The following NXPE2 variants were observed in gnomAD, a reference collection of about 807,000 sequenced individuals.
The protein encoded by NXPE2 is NXPE family member 2.
A neutral mutation model predicts 34.4 loss-of-function variants in NXPE2; 34 were observed. The ratio of observed to expected loss-of-function variants is 0.99; its 90% confidence interval spans 0.75 to 1.31. NXPE2 has a LOEUF of 1.31. Ranked by LOEUF, NXPE2 falls within the 40% of genes most tolerant of loss-of-function variation. The probability of loss-of-function intolerance (pLI) is 0.00; values close to 1 mark genes in which losing one functional copy is unlikely to be tolerated. For synonymous variants in NXPE2, 235 were observed against 231.3 expected (o/e 1.02, Z -0.15); for missense variants, 649 against 672.5 (o/e 0.97, Z 0.39).
chr11:114,749,750 C>T, the NXPE2 span, among the ~76,000 whole-genome samples: 1 of 152,188 alleles, frequency 6.6e-6, no homozygotes, highest in African/African-American at 2.4e-5. Flanking sequence ...TTGTGTCTAA[C>T]ACTCACACTG....
At chr11:114,618,557 C>G in the NXPE2 span, among the ~76,000 whole-genome samples, 2 of 151,778 alleles carry the variant, frequency 1.3e-5, no homozygotes, top group Non-Finnish European at 2.9e-5. Flanking sequence ...CACTGTTACC[C>G]AGTGGATAAT....
chr11:114,717,813 CTTCCTTCTAGGT>C, the NXPE2 span, among the ~76,000 whole-genome samples: 1 of 152,196 alleles, frequency 6.6e-6, no homozygotes, highest in African/African-American at 2.4e-5. Flanking sequence ...CCCAGTAAAT[CTTCCTTCTAGGT>C]TTGTTGGGGG....
chr11:114,640,224 T>C, the NXPE2 span, among the ~76,000 whole-genome samples: 1 of 141,020 alleles, frequency 7.1e-6, no homozygotes. Flanking sequence ...ATGTAATTTA[T>C]ATATATAAAT....
chr11:114,680,785 T>C, intron 2 of NXPE2, among the ~76,000 whole-genome samples: 1 of 152,268 alleles, frequency 6.6e-6, no homozygotes, highest in Non-Finnish European at 1.5e-5. Context: ...TGCTAACATT[T>C]GAGAATCTCT....
At position 114,697,939 on chromosome 11, in the gene NXPE2, T is replaced by C. The variant is rs2135559378; in HGVS notation, c.133-106T>C. ...ACCAGTTAGTATCGATTTTTGATAT[T>C]TAATTTATCACACTGAAAGATGTAA... On this transcript the variant is annotated intron_variant, in intron 2 of 5. Coordinates refer to ENST00000389586, the MANE Select transcript of NXPE2 (RefSeq NM_182495.6). 2.7e-6 allele frequency: 3 copies of C among 1,121,800 alleles called. No individual in the cohort carries two copies. The East Asian group carries it at 8.3e-5, about 31-fold the overall frequency. 69.5% of individuals were successfully genotyped at this position (1,121,800 alleles called of 1,614,324 possible). A position where few individuals can be genotyped will look rare whatever the true frequency, so the allele number is the denominator to read the frequency against.
At chr11:114,721,099 C>G in the NXPE2 span, among the ~76,000 whole-genome samples, 1 of 152,092 alleles carries the variant, frequency 6.6e-6, no homozygotes, top group Non-Finnish European at 1.5e-5. Flanking sequence ...CAGGAGTTCT[C>G]TCACCTTCAG....
At chr11:114,803,300 T>C in the NXPE2 span, among the ~76,000 whole-genome samples, 1 of 152,196 alleles carries the variant, frequency 6.6e-6, no homozygotes, top group African/African-American at 2.4e-5. Context: ...AACTAAAAAA[T>C]GAGGATGTGG....
the NXPE2 span, among the ~76,000 whole-genome samples, chr11:114,505,890 A>T: frequency 2.6e-5 from 4 of 152,164 alleles, no homozygotes; most frequent in African/African-American, 9.7e-5. Context: ...CTTGAATGTA[A>T]ATGGGCTAAA....
At chr11:114,565,927 A>C in the NXPE2 span, among the ~76,000 whole-genome samples, 2 of 152,186 alleles carry the variant, frequency 1.3e-5, no homozygotes, top group Non-Finnish European at 2.9e-5. Flanking sequence ...GATTCTCCAC[A>C]TATATTGTAA....
chr11:114,525,174 C>T, the NXPE2 span, among the ~76,000 whole-genome samples: 1 of 151,820 alleles, frequency 6.6e-6, no homozygotes, highest in Non-Finnish European at 1.5e-5. Flanking sequence ...TTGTAAGTCC[C>T]TACTAAATGT....
the NXPE2 span, among the ~76,000 whole-genome samples, chr11:114,610,846 CTAG>C: frequency 1.3e-5 from 2 of 151,896 alleles, no homozygotes; most frequent in African/African-American, 4.8e-5. Context: ...AGTATTGCCT[CTAG>C]GGTAACCACT....
Position 114,698,285 on chromosome 11 carries a change from A to AG in NXPE2, c.379dup (p.Asp127GlyfsTer43), listed in dbSNP as rs1178462460. The AG allele has an allele frequency of 2.5e-6, 4 of 1,613,518 alleles. No individual in the cohort carries two copies. The African/African-American group carries it at 5.3e-5, about 22-fold the overall frequency. On this transcript the variant is annotated frameshift_variant, in exon 3 of 6. Transcript: ENST00000389586. LOFTEE classifies it high-confidence loss of function. ...CCTCAACCCTCAAGATACGTACTGCAGGGGGGATCAGCTGGACATCCTTCT... is the reference window on the plus strand; with the variant it reads ...CCTCAACCCTCAAGATACGTACTGCAGGGGGGGATCAGCTGGACATCCTTCT...
the NXPE2 span, among the ~76,000 whole-genome samples, chr11:114,515,424 G>T: frequency 2.6e-5 from 4 of 152,152 alleles, no homozygotes; most frequent in Admixed American, 1.3e-4. Flanking sequence ...AACAAATTAA[G>T]AATTAATATA....
the NXPE2 span, among the ~76,000 whole-genome samples, chr11:114,740,850 T>C: frequency 1.7e-3 from 259 of 152,330 alleles, no homozygotes; most frequent in Non-Finnish European, 2.6e-3. Context: ...AGCCTTTCTG[T>C]TACTGGGTGC....
the NXPE2 span, among the ~76,000 whole-genome samples, chr11:114,548,293 A>G: frequency 3.3e-4 from 50 of 152,282 alleles, no homozygotes; most frequent in African/African-American, 1.0e-3. Context: ...TAGTAAGGCT[A>G]TTAAAGAACT....
At chr11:114,491,168 CAA>C in the NXPE2 span, among the ~76,000 whole-genome samples, 10 of 53,552 alleles carry the variant, frequency 1.9e-4, no homozygotes, top group South Asian at 2.1e-3. Flanking sequence ...GACTCCGTCT[CAA>C]AAAAAAAAAA....
At chr11:114,700,809 T>C (rs1951352064) in intron 3 of NXPE2, among the ~76,000 whole-genome samples, 1 of 152,204 alleles carries the variant, frequency 6.6e-6, no homozygotes, top group African/African-American at 2.4e-5. Context: ...CCCAAATTTA[T>C]TTGGCCACAG....
At chr11:114,700,419 C>T (rs371198384) in intron 3 of NXPE2, among the ~76,000 whole-genome samples, 4 of 152,096 alleles carry the variant, frequency 2.6e-5, no homozygotes, top group Non-Finnish European at 5.9e-5. Context: ...TGTGAATTTT[C>T]GGGAAACAGC....
chr11:114,521,783 A>C, the NXPE2 span: 2 of 547,858 alleles, frequency 3.7e-6, no homozygotes, highest in South Asian at 6.0e-5. Context: ...GTCATTCTTC[A>C]TGAATGATTC....
Sources: gnomAD v4.1 joint callset for allele counts (sites outside exome capture counted in the v4.1 genomes callset) on GRCh38, gnomAD v4.1.1 for gene constraint, MANE v1.5 for transcripts, NCBI Gene and HGNC (gene_info 2026-07-23, HGNC 2026-07-21) for gene names.